The following TSFM variants were observed in gnomAD, a reference collection of about 807,000 sequenced individuals.
TSFM encodes Ts translation elongation factor, mitochondrial, also known as elongation factor Ts, mitochondrial.
In TSFM, 29 loss-of-function variants were observed where a neutral mutation model predicts 33.4. The ratio of observed to expected loss-of-function variants is 0.87; its 90% CI spans 0.65 to 1.18. The LOEUF is 1.18. TSFM is among the 50% of genes most tolerant of loss of function. The pLI is 0.00. For synonymous variants in TSFM, 178 were observed against 163.5 expected (o/e 1.09, Z -0.68); for missense variants, 394 against 395.6 (o/e 1.00, Z 0.04).
chr12:57,798,508 TGTA>T (rs1204486078), downstream of TSFM, among the ~76,000 whole-genome samples: 1 of 152,200 alleles, frequency 6.6e-6, no homozygotes, highest in Non-Finnish European at 1.5e-5. Flanking sequence ...TCAAGAAAAT[TGTA>T]GTCCAGATAC....
At chr12:57,798,593 G>A (rs987453588), downstream of TSFM, among the ~76,000 whole-genome samples, 1 of 151,734 alleles carries the variant, frequency 6.6e-6, no homozygotes, top group Non-Finnish European at 1.5e-5. Context: ...CTTCTTCAAG[G>A]GGAAAAGAAA....
At chr12:57,797,663 C>T, downstream of TSFM, 1 of 746,802 alleles carries the variant, frequency 1.3e-6, no homozygotes, top group Non-Finnish European at 1.7e-6. Context: ...AGCTAGAGGG[C>T]CACAAAACCC....
At chr12:57,786,950 A>T (rs375504166) in intron 3 of TSFM, 90 bp from the exon 4 acceptor site, 1 of 1,398,078 alleles carries the variant, frequency 7.2e-7, no homozygotes, top group African/African-American at 1.4e-5. Flanking sequence ...AGCTTGTTCT[A>T]TCAGTATCTT....
At chr12:57,783,905 C>G (rs546287900) in intron 2 of TSFM, 1 of 699,386 alleles carries the variant, frequency 1.4e-6, no homozygotes. Flanking sequence ...AGTGAGCCAC[C>G]GCGCCCGGCT....
chr12:57,797,756 G>A, downstream of TSFM: 1 of 768,690 alleles, frequency 1.3e-6, no homozygotes, highest in Non-Finnish European at 1.8e-6. Context: ...GCCGTGATTT[G>A]CAGACTCTAT....
At chr12:57,801,029 A>C (rs1033362177), downstream of TSFM, 2 of 788,062 alleles carry the variant, frequency 2.5e-6, no homozygotes, top group Non-Finnish European at 4.1e-6. Context: ...CAAAACAGAC[A>C]ACTATGGTAA....
At chr12:57,786,427 G>C in intron 3 of TSFM, 136 bp downstream of exon 3, 1 of 1,109,282 alleles carries the variant, frequency 9.0e-7, no homozygotes, top group Non-Finnish European at 1.2e-6. Context: ...TTAAACTCAT[G>C]AAACCCTGGG....
chr12:57,787,211 G>T (rs375535327), intron 4 of TSFM, 49 bp downstream of exon 4: 170 of 1,519,628 alleles, frequency 1.1e-4, no homozygotes, highest in Non-Finnish European at 1.4e-4. Context: ...GTCCTCATTG[G>T]GTCTTTTGCT....
chr12:57,801,922 A>G (rs1366265922), downstream of TSFM, among the ~76,000 whole-genome samples: 1 of 152,224 alleles, frequency 6.6e-6, no homozygotes, highest in Non-Finnish European at 1.5e-5. Flanking sequence ...GATATACTTT[A>G]TAAACTGTTT....
downstream of TSFM, chr12:57,799,738 G>GA (rs1955808086): frequency 6.2e-7 from 1 of 1,607,952 alleles, no homozygotes; most frequent in Non-Finnish European, 8.5e-7. Context: ...GCTGAGCTGA[G>GA]TTTTTTACTC....
intron 4 of TSFM, among the ~76,000 whole-genome samples, chr12:57,790,337 G>T (rs1358631389): frequency 2.6e-5 from 4 of 151,954 alleles, no homozygotes; most frequent in Non-Finnish European, 1.5e-5. Context: ...CAAAGTGCTG[G>T]GATTACAGGC....
rs962412234 is a variant in TSFM, at chr12:57,790,498, T to C, written c.484-2488T>C. Among the ~76,000 whole-genome samples, 3 of 152,360 alleles carry C rather than the reference T, an allele frequency of 2.0e-5. No homozygotes were observed. The South Asian group carries it at 6.2e-4, about 32-fold the overall frequency. ...AATATGTTTACTGTTTTTAGTTATG[T>C]ACTCATATGTACTAAGTGTTACAAT... On this transcript the variant is annotated intron_variant, in intron 4 of 5. Coordinates refer to ENST00000652027, the MANE Select transcript of TSFM (RefSeq NM_005726.6).
chr12:57,784,379 A>G (rs6581155), intron 2 of TSFM, among the ~76,000 whole-genome samples: 50,203 of 152,112 alleles, frequency 0.33, 8,788 homozygotes, highest in East Asian at 0.65. Context: ...AGTACACATA[A>G]GCTACATTAC....
intron 4 of TSFM, among the ~76,000 whole-genome samples, chr12:57,792,307 G>T (rs1955673209): frequency 6.6e-6 from 1 of 152,234 alleles, no homozygotes; most frequent in South Asian, 2.1e-4. Context: ...CCAACACTTT[G>T]GGAGACTGAA....
chr12:57,785,674 C>T lies in TSFM; in HGVS notation c.232-489C>T, dbSNP rs543415013. Among the ~76,000 whole-genome samples, 48 of 152,226 alleles carry T rather than the reference C, an allele frequency of 3.2e-4. No homozygotes were observed. The Middle Eastern group carries it at 0.014, about 43-fold the overall frequency. On this transcript the variant is annotated intron_variant, in intron 2 of 5. Coordinates refer to ENST00000652027, the MANE Select transcript of TSFM (RefSeq NM_005726.6). ...TACATAAGCCAGTAACATAGTTGTT[C>T]ATTATTGTTTCAAGTATCATGTACT...
Position 57,782,840 on chromosome 12 carries a change from G to T in TSFM, c.39G>T (p.Ala13=). 1 of 1,595,518 alleles carries T rather than the reference G, an allele frequency of 6.3e-7. No homozygotes were observed. The highest frequency in any genetic ancestry group is 8.5e-7 in the Non-Finnish European group (1 of 1,171,832). The change falls in exon 1 of 6, where the codon GCG becomes GCT. Residue 13 remains alanine (A), a synonymous_variant. Coordinates refer to ENST00000652027, the MANE Select transcript of TSFM (RefSeq NM_005726.6). ...LLRSLRVFLV[A]RTGSYPAGSL... is the part of the protein sequence containing the mutation. ...GGTCGCTGCGCGTGTTTCTGGTCGC[G>T]CGGACCGGGAGCTACCCGGTGAGAA...
At chr12:57,798,619 TC>T (rs1335646370), downstream of TSFM, among the ~76,000 whole-genome samples, 1 of 151,132 alleles carries the variant, frequency 6.6e-6, no homozygotes, top group Non-Finnish European at 1.5e-5. Context: ...TCTTTTCTTT[TC>T]TTTTTTTTTT....
At chr12:57,793,464 C>T (rs550654862) in intron 5 of TSFM, among the ~76,000 whole-genome samples, 9 of 152,262 alleles carry the variant, frequency 5.9e-5, no homozygotes, top group South Asian at 2.1e-4. Context: ...CCTCGTGATC[C>T]GCCCGCCTCG....
At chr12:57,802,105 A>C, downstream of TSFM, 2 of 1,578,280 alleles carry the variant, frequency 1.3e-6, no homozygotes, top group Non-Finnish European at 1.7e-6. Flanking sequence ...CTGCCCACTG[A>C]GCTGTTCTGA....
Sources: gnomAD v4.1 joint callset for allele counts (sites outside exome capture counted in the v4.1 genomes callset) on GRCh38, gnomAD v4.1.1 for gene constraint, MANE v1.5 for transcripts, NCBI Gene and HGNC (gene_info 2026-07-23, HGNC 2026-07-21) for gene names.